The following SPAG16 variants were observed in gnomAD, a reference collection of about 807,000 sequenced individuals.
SPAG16 encodes sperm-associated antigen 16 protein.
SPAG16 carries 86 observed loss-of-function variants against 80.4 expected under a neutral mutation model. That is an observed-to-expected ratio of 1.07 (90% confidence interval 0.90 to 1.28). The LOEUF (loss-of-function observed/expected upper bound fraction) is 1.28. Among genes scored for constraint, SPAG16 ranks in the 50% most tolerant of loss-of-function variants. The pLI is 0.00. For missense variants in SPAG16, 870 were observed against 765.3 expected (o/e 1.14, Z -1.61); for synonymous variants, 294 against 265.9 (o/e 1.11, Z -1.03).
chr2:213,287,724 C>T (rs1364462330), intron 1 of SPAG16, among the ~76,000 whole-genome samples: 1 of 152,084 alleles, frequency 6.6e-6, no homozygotes, highest in East Asian at 1.9e-4. Flanking sequence ...TTCTGTGAAG[C>T]TAATCAGCTC....
At chr2:213,910,852 A>G (rs958616121) in intron 11 of SPAG16, among the ~76,000 whole-genome samples, 5 of 152,214 alleles carry the variant, frequency 3.3e-5, no homozygotes, top group African/African-American at 9.6e-5. Flanking sequence ...TTTATTATCC[A>G]TATTTCCAAA....
chr2:213,966,175 T>G (rs2106365765), intron 12 of SPAG16, among the ~76,000 whole-genome samples: 2 of 152,262 alleles, frequency 1.3e-5, no homozygotes, highest in East Asian at 3.9e-4. Flanking sequence ...GAGACACATC[T>G]TCTTGGTTGT....
intron 9 of SPAG16, among the ~76,000 whole-genome samples, chr2:213,379,149 T>C (rs572033141): frequency 6.6e-6 from 1 of 152,306 alleles, no homozygotes; most frequent in Admixed American, 6.5e-5. Context: ...GCAGGATCAA[T>C]GTTGTGGGAA....
intron 15 of SPAG16, among the ~76,000 whole-genome samples, chr2:214,378,445 C>T (rs1236521907): frequency 6.6e-6 from 1 of 152,194 alleles, no homozygotes; most frequent in African/African-American, 2.4e-5. Flanking sequence ...CTGTCTCTAT[C>T]TCTGCCCTGT....
intron 10 of SPAG16, among the ~76,000 whole-genome samples, chr2:213,556,735 G>A (rs545395899): frequency 5.3e-5 from 8 of 152,204 alleles, no homozygotes; most frequent in African/African-American, 1.9e-4. Context: ...ATACTCTTTA[G>A]ACCAAATGGA....
chr2:214,091,852 ATGTGTT>A (rs1430352600), intron 13 of SPAG16, among the ~76,000 whole-genome samples: 2 of 152,146 alleles, frequency 1.3e-5, no homozygotes, highest in East Asian at 3.9e-4. Flanking sequence ...CCTGATCATA[ATGTGTT>A]TTATGAAATA....
chr2:213,397,411 A>G (rs1357299216), intron 9 of SPAG16, among the ~76,000 whole-genome samples: 1 of 152,102 alleles, frequency 6.6e-6, no homozygotes, highest in Non-Finnish European at 1.5e-5. Context: ...TCCCTCCTTC[A>G]TGAACATACC....
chr2:214,277,911 A>T (rs1252464747), intron 15 of SPAG16, among the ~76,000 whole-genome samples: 2 of 152,184 alleles, frequency 1.3e-5, no homozygotes, highest in Non-Finnish European at 2.9e-5. Context: ...CCCTGCCCCT[A>T]GAGGTGGAGT....
At chr2:213,767,655 T>TCACACACACACACACACA (rs3220937) in intron 10 of SPAG16, among the ~76,000 whole-genome samples, 65 of 147,772 alleles carry the variant, frequency 4.4e-4, no homozygotes, top group Admixed American at 1.9e-3. Context: ...ACAACATACT[T>TCACACACACACACACACA]CACACACACA....
At chr2:213,757,095 C>T (rs773686860) in intron 10 of SPAG16, among the ~76,000 whole-genome samples, 3 of 151,990 alleles carry the variant, frequency 2.0e-5, no homozygotes, top group Non-Finnish European at 2.9e-5. Context: ...TAACATAAAT[C>T]TGAAACGGAA....
intron 10 of SPAG16, among the ~76,000 whole-genome samples, chr2:213,653,704 TA>T (rs2063109650): frequency 6.6e-6 from 1 of 152,212 alleles, no homozygotes; most frequent in African/African-American, 2.4e-5. Flanking sequence ...CTTTGAATTC[TA>T]AAATAGATCC....
At chr2:213,768,407 C>T (rs1231029101) in intron 10 of SPAG16, among the ~76,000 whole-genome samples, 1 of 152,156 alleles carries the variant, frequency 6.6e-6, no homozygotes, top group South Asian at 2.1e-4. Flanking sequence ...AAAAGTTACT[C>T]TGAAAGCTCT....
chr2:214,144,788 A>G (rs887816916), intron 14 of SPAG16, among the ~76,000 whole-genome samples: 2 of 152,108 alleles, frequency 1.3e-5, no homozygotes, highest in African/African-American at 4.8e-5. Context: ...TATATATAAC[A>G]TACGTGTATA....
intron 10 of SPAG16, among the ~76,000 whole-genome samples, chr2:213,836,365 G>A (rs1353243037): frequency 1.3e-5 from 2 of 151,934 alleles, no homozygotes; most frequent in African/African-American, 2.4e-5. Context: ...GAAATTTTTA[G>A]TTCTATTGTC....
At chr2:213,348,802 C>A (rs1306846050) in intron 6 of SPAG16, among the ~76,000 whole-genome samples, 1 of 152,142 alleles carries the variant, frequency 6.6e-6, no homozygotes, top group Non-Finnish European at 1.5e-5. Context: ...TCTCTGGCTG[C>A]CCTTAACATT....
At chr2:214,378,131 T>G (rs1700240415) in intron 15 of SPAG16, among the ~76,000 whole-genome samples, 1 of 152,158 alleles carries the variant, frequency 6.6e-6, no homozygotes, top group Non-Finnish European at 1.5e-5. Context: ...GATTCTTCTC[T>G]AAAACTTCCA....
At chr2:213,768,995 G>A (rs1036314876) in intron 10 of SPAG16, among the ~76,000 whole-genome samples, 5 of 152,176 alleles carry the variant, frequency 3.3e-5, no homozygotes, top group African/African-American at 1.2e-4. Context: ...TCCCAGGAAA[G>A]AGATGGTTGG....
In SPAG16 at chr2:213,453,230, T is replaced by C. The variant is rs114067654; in HGVS notation, c.943-36733T>C. On this transcript the variant is annotated intron_variant, in intron 9 of 15. Coordinates refer to ENST00000331683, the MANE Select transcript of SPAG16 (RefSeq NM_024532.5). ...TTTCAAGCTCTGAGAGGTCTGATAC[T>C]CTGTCTCTTTTTGTCCATTGTTTTT... 8.2e-3 allele frequency among the ~76,000 whole-genome samples: 1,256 copies of C among 152,352 alleles called. 18 individuals are homozygous for C. Among genetic ancestry groups the C allele is most frequent in the African/African-American group, 0.029 (1,192 of 41,578 alleles).
chr2:213,909,416 C>G (rs1374243426), intron 11 of SPAG16, among the ~76,000 whole-genome samples: 1 of 152,138 alleles, frequency 6.6e-6, no homozygotes, highest in Non-Finnish European at 1.5e-5. Context: ...CCCGCATCGC[C>G]AAGTCAATCC....
Sources: gnomAD v4.1 joint callset for allele counts (sites outside exome capture counted in the v4.1 genomes callset) on GRCh38, gnomAD v4.1.1 for gene constraint, MANE v1.5 for transcripts, NCBI Gene and HGNC (gene_info 2026-07-23, HGNC 2026-07-21) for gene names.